TRPV3: variants seen among roughly 807,000 people sequenced by gnomAD.
The protein encoded by TRPV3 is transient receptor potential cation channel subfamily V member 3.
In TRPV3, 88 loss-of-function variants were observed where a neutral mutation model predicts 87.1. The ratio of observed to expected loss-of-function variants is 1.01; its 90% CI spans 0.85 to 1.21. TRPV3 has a LOEUF of 1.21. TRPV3 is among the 50% of genes most tolerant of loss of function. TRPV3 has a pLI of 0.00. For synonymous variants in TRPV3, 438 were observed against 423.3 expected (o/e 1.03, Z -0.43); for missense variants, 1,054 against 1,030.1 (o/e 1.02, Z -0.32).
At chr17:3,520,123 C>T (rs2074233696) in intron 14 of TRPV3, among the ~76,000 whole-genome samples, 1 of 151,956 alleles carries the variant, frequency 6.6e-6, no homozygotes, top group South Asian at 2.1e-4. Flanking sequence ...AGAAAAGGTA[C>T]CAGACAGATG....
intron 13 of TRPV3, among the ~76,000 whole-genome samples, chr17:3,521,957 T>G (rs1340692405): frequency 6.6e-6 from 1 of 152,010 alleles, no homozygotes; most frequent in Non-Finnish European, 1.5e-5. Flanking sequence ...ACACCTGTGA[T>G]CCCAGCTACT....
rs565983977 is a variant in TRPV3, at chr17:3,539,160, C to CA, written c.643+3361dup. On this transcript the variant is annotated intron_variant, in intron 6 of 17. Transcript: ENST00000576742. ...CCAAGACATATGGTTAATAGTTAAT[C>CA]AAAAAAACCAACTTGTAGAATACAG... 1.3e-3 allele frequency among the ~76,000 whole-genome samples: 191 copies of CA among 151,926 alleles called. 1 individual carries two copies. Among genetic ancestry groups the CA allele is most frequent in the African/African-American group, 4.6e-3 (191 of 41,422 alleles).
chr17:3,541,507 CAAAT>C (rs890245983), intron 6 of TRPV3, among the ~76,000 whole-genome samples: 1 of 152,196 alleles, frequency 6.6e-6, no homozygotes, highest in African/African-American at 2.4e-5. Context: ...CTCCAAAACT[CAAAT>C]AAAGACACAT....
Position 3,543,478 on chromosome 17 carries a change from C to A in TRPV3, c.462G>T (p.Val154=). ...CTGCCAGGCTCAGACACTCACCAGG[C>A]ACATCCTCATCATGGCGCCGCCTGC... ...ELCRRRHDED[V]PDFLMHKLTA... is the part of the protein sequence containing the mutation. Residue 154 remains valine (V), a synonymous_variant, in exon 5 of 18, where the codon GTG becomes GTT. Transcript: ENST00000576742. 6.2e-7 allele frequency: 1 copy of A among 1,613,064 alleles called. No individual in the cohort carries two copies. The highest frequency in any genetic ancestry group is 8.5e-7 in the Non-Finnish European group (1 of 1,179,996).
At chr17:3,526,346 T>C (rs1402219005) in intron 12 of TRPV3, among the ~76,000 whole-genome samples, 2 of 152,108 alleles carry the variant, frequency 1.3e-5, no homozygotes, top group South Asian at 2.1e-4. Flanking sequence ...GGTGTGATGG[T>C]GCACGTCTGT....
intron 2 of TRPV3, among the ~76,000 whole-genome samples, chr17:3,548,900 T>C (rs385688): frequency 0.71 from 107,866 of 151,984 alleles, 38,562 homozygotes; most frequent in Middle Eastern, 0.78. Flanking sequence ...ATCCCTAAGG[T>C]CTGGACCCTG....
At chr17:3,526,760 G>C (rs2074303666) in intron 12 of TRPV3, 94 bp downstream of exon 12, 4 of 991,346 alleles carry the variant, frequency 4.0e-6, no homozygotes, top group Non-Finnish European at 3.1e-6. Flanking sequence ...CCGTGGCACA[G>C]TAGGATATTT....
At chr17:3,534,733 G>A (rs1035701255) in intron 7 of TRPV3, among the ~76,000 whole-genome samples, 4 of 150,994 alleles carry the variant, frequency 2.6e-5, no homozygotes, top group Non-Finnish European at 2.9e-5. Context: ...TCTCACTCTC[G>A]ACTCCCTGTC....
At chr17:3,538,755 T>C (rs183279894) in intron 6 of TRPV3, among the ~76,000 whole-genome samples, 19 of 152,188 alleles carry the variant, frequency 1.2e-4, no homozygotes, top group African/African-American at 4.6e-4. Context: ...CTACTAGTTT[T>C]TGTATTTTTA....
intron 7 of TRPV3, among the ~76,000 whole-genome samples, chr17:3,534,951 G>T (rs2150793922): frequency 6.6e-6 from 1 of 152,030 alleles, no homozygotes; most frequent in Admixed American, 6.5e-5. Flanking sequence ...AGACCACCAG[G>T]TGACACCACC....
Position 3,516,506 on chromosome 17 carries a change from T to G in TRPV3, c.2149A>C (p.Met717Leu), listed in dbSNP as rs781688821. Residue 717 changes from methionine (M) to leucine (L), a missense_variant, in exon 16 of 18, where the codon ATG becomes CTG. By Grantham distance (15) the Met-to-Leu change is conservative. Transcript: ENST00000576742. ...TCGGCCACTTTGCACAGCTCTCCCA[T>G]CCGGAATCTGCTCCTCAGCCATTCT... ...LPEWLRSRFR[M>L]GELCKVAEDD... The G allele has an allele frequency of 1.9e-6, 3 of 1,614,050 alleles. No individual in the cohort carries two copies. The highest frequency in any genetic ancestry group is 3.3e-5 in the Admixed American group (2 of 59,998).
At chr17:3,527,773 G>A (rs2150787846) in intron 11 of TRPV3, 2 of 526,192 alleles carry the variant, frequency 3.8e-6, no homozygotes, top group African/African-American at 1.9e-5. Context: ...AAGAGGACAA[G>A]GGACACTGAG....
rs1159857747 is a variant in TRPV3, at chr17:3,512,023, G to A, written c.*1894C>T. 1 of 152,110 alleles carries A rather than the reference G, an allele frequency of 6.6e-6. No homozygotes were observed. Among genetic ancestry groups the A allele is most frequent in the Non-Finnish European group, 1.5e-5 (1 of 68,020 alleles). 9.4% of individuals were successfully genotyped at this position (152,110 alleles called of 1,614,324 possible). On this transcript the variant is annotated 3_prime_UTR_variant, in exon 18 of 18. Transcript: ENST00000576742. Reference sequence around the variant, plus strand: ...ATTTGTACAATCTCCAGGCTAAAAGGGACCTTAAACTTCTTCCAATGACCA... The same window carrying A: ...ATTTGTACAATCTCCAGGCTAAAAGAGACCTTAAACTTCTTCCAATGACCA...
intron 1 of TRPV3, among the ~76,000 whole-genome samples, chr17:3,555,542 G>T (rs368411354): frequency 1.3e-5 from 2 of 152,140 alleles, no homozygotes; most frequent in Non-Finnish European, 2.9e-5. Context: ...CACCTGCAGG[G>T]AGCAGCTGAG....
chr17:3,535,254 T>TC (rs1555545149), intron 7 of TRPV3, among the ~76,000 whole-genome samples: 13 of 26,438 alleles, frequency 4.9e-4, no homozygotes, highest in Admixed American at 2.4e-3. Context: ...CCCTCCTTAC[T>TC]CCTCCTCCCT....
At chr17:3,536,402 A>C (rs1295380685) in intron 6 of TRPV3, among the ~76,000 whole-genome samples, 1 of 152,174 alleles carries the variant, frequency 6.6e-6, no homozygotes, top group East Asian at 1.9e-4. Flanking sequence ...CAGCCTGACC[A>C]ACATGGTGAA....
intron 9 of TRPV3, among the ~76,000 whole-genome samples, chr17:3,529,299 C>T (rs1234477552): frequency 6.6e-6 from 1 of 152,060 alleles, no homozygotes; most frequent in African/African-American, 2.4e-5. Context: ...CCCCAGTTTG[C>T]TCCTCCTTTG....
chr17:3,518,746 G>A lies in TRPV3; in HGVS notation c.1915C>T (p.Leu639=), dbSNP rs548065796. 1.2e-6 allele frequency: 2 copies of A among 1,613,972 alleles called. No individual in the cohort carries two copies. Among genetic ancestry groups the A allele is most frequent in the East Asian group, 2.2e-5 (1 of 44,882 alleles). The change falls in exon 15 of 18, where the codon CTG becomes TTG. Residue 639 remains leucine, a synonymous_variant. Coordinates refer to ENST00000576742, the MANE Select transcript of TRPV3 (RefSeq NM_145068.4). The surrounding 1 kb of genome is among the most constrained non-coding windows in gnomAD (Gnocchi z 4.3). ...TTCTGCTGGATGTTCAGGTCACCCA[G>A]GCCTATGGTGAGCTTGAAGAGTTCC... The part of the protein sequence containing the change: ...VLELFKLTIG[L]GDLNIQQNSK...
chr17:3,518,922 G>A lies in TRPV3; in HGVS notation c.1811-72C>T. On this transcript the variant is annotated intron_variant, in intron 14 of 17. Transcript: ENST00000576742. The surrounding 1 kb of genome is among the most constrained non-coding windows in gnomAD (Gnocchi z 4.3). Reference sequence around the variant, plus strand: ...TTACTCTACAAGCTTGCGTGTATTTGCCTACATGACAAGCCTGCTGCCTCC... The same window carrying A: ...TTACTCTACAAGCTTGCGTGTATTTACCTACATGACAAGCCTGCTGCCTCC... 3 of 1,500,460 alleles carry A rather than the reference G, an allele frequency of 2.0e-6. No individual in the cohort carries two copies. The highest frequency in any genetic ancestry group is 2.7e-6 in the Non-Finnish European group (3 of 1,112,236). 92.9% of individuals were successfully genotyped at this position (1,500,460 alleles called of 1,614,324 possible). A position where few individuals can be genotyped will look rare whatever the true frequency, so the allele number is the denominator to read the frequency against.
Sources: allele counts gnomAD v4.1 joint callset (sites outside exome capture counted in the v4.1 genomes callset), GRCh38; gene constraint gnomAD v4.1.1; non-coding constraint Gnocchi (gnomAD v3.1); transcripts MANE v1.5; gene names NCBI Gene and HGNC (gene_info 2026-07-23, HGNC 2026-07-21).